Variants in PARM1 observed in about 807,000 individuals in gnomAD.
PARM1 encodes WSC4, cell wall integrity and stress response component 4 homolog.
PARM1 carries 14 observed loss-of-function variants against 24.6 expected under a neutral mutation model. The observed-to-expected ratio is 0.57, with a 90% CI of 0.38 to 0.89. The LOEUF (loss-of-function observed/expected upper bound fraction) is 0.89, where lower values mean the gene tolerates loss of function less well. Among genes scored for constraint, PARM1 ranks in the 40% least tolerant of loss-of-function variants. The probability of loss-of-function intolerance (pLI) is 0.00; values close to 1 mark genes in which losing one functional copy is unlikely to be tolerated. For missense variants in PARM1, 362 were observed against 380.4 expected, an observed-to-expected ratio of 0.95 and a Z score of 0.40; for synonymous variants, 179 against 156.6, an observed-to-expected ratio of 1.14 and a Z score of -1.07.
chr4:74,954,917 G>A (rs574422346), intron 1 of PARM1, among the ~76,000 whole-genome samples: 118 of 152,296 alleles, frequency 7.7e-4, no homozygotes, highest in African/African-American at 2.8e-3. Context: ...TGGGAGCTGT[G>A]TAAATTCAGG....
At chr4:74,945,917 C>T (rs1560771821) in intron 1 of PARM1, among the ~76,000 whole-genome samples, 1 of 152,154 alleles carries the variant, frequency 6.6e-6, no homozygotes, top group Non-Finnish European at 1.5e-5. Context: ...CAGAAAGCAG[C>T]ACAGGTGTGA....
chr4:74,952,123 T>G (rs1381194973), intron 1 of PARM1, among the ~76,000 whole-genome samples: 1 of 152,176 alleles, frequency 6.6e-6, no homozygotes, highest in Admixed American at 6.5e-5. Context: ...TTTTAATGAT[T>G]GCCATTCTAA....
intron 2 of PARM1, among the ~76,000 whole-genome samples, chr4:75,028,802 A>T (rs1490310317): frequency 6.6e-6 from 1 of 152,182 alleles, no homozygotes; most frequent in African/African-American, 2.4e-5. Context: ...ATTTCTTCAG[A>T]GGTTGTTTGG....
intron 1 of PARM1, among the ~76,000 whole-genome samples, chr4:74,991,295 GT>G (rs1722461720): frequency 6.6e-6 from 1 of 152,100 alleles, no homozygotes; most frequent in African/African-American, 2.4e-5. Context: ...TGAATCAATG[GT>G]TTTCCAATAT....
chr4:75,009,123 C>A (rs1722824268), intron 1 of PARM1, among the ~76,000 whole-genome samples: 1 of 152,186 alleles, frequency 6.6e-6, no homozygotes, highest in Admixed American at 6.5e-5. Context: ...CAAAAGACCA[C>A]CGTAACAGCA....
In PARM1 at chr4:75,013,101, C is replaced by A; in HGVS notation, c.720C>A (p.Thr240=). The A allele has an allele frequency of 6.2e-7, 1 of 1,614,002 alleles. No individual in the cohort carries two copies. Among genetic ancestry groups the A allele is most frequent in the Non-Finnish European group, 8.5e-7 (1 of 1,179,884 alleles). Residue 240 remains threonine (T), a synonymous_variant, in exon 2 of 4, where the codon ACC becomes ACA. Transcript: ENST00000307428. ...AGCTCATAGACATGGAGACCACCAC[C>A]ACCTTTCCCAGGGTGATCATGCAGG... is the stretch of plus-strand genomic sequence containing the variant. ...MCELIDMETT[T]TFPRVIMQEV... is the part of the protein sequence containing the mutation.
chr4:74,951,268 G>GT (rs1721516444), intron 1 of PARM1, among the ~76,000 whole-genome samples: 1 of 152,130 alleles, frequency 6.6e-6, no homozygotes. Flanking sequence ...TTACAACACC[G>GT]TATCATTTAC....
chr4:74,956,202 A>G (rs1721629505), intron 1 of PARM1: 1 of 152,238 alleles, frequency 6.6e-6, no homozygotes, highest in South Asian at 2.1e-4. Flanking sequence ...ACAAAGTCAG[A>G]GAGAAAAGTG....
chr4:74,963,942 A>C (rs1022356726), intron 1 of PARM1, among the ~76,000 whole-genome samples: 1 of 152,238 alleles, frequency 6.6e-6, no homozygotes, highest in Admixed American at 6.5e-5. Flanking sequence ...CCTTGAACTA[A>C]GGCAAATGTG....
intron 1 of PARM1, chr4:74,969,614 G>C (rs1312562019): frequency 6.6e-6 from 1 of 152,232 alleles, no homozygotes; most frequent in African/African-American, 2.4e-5. Context: ...GATGCGTCTG[G>C]AGGCATAGCT....
At chr4:75,030,535 CAA>C (rs1258298406) in intron 2 of PARM1, among the ~76,000 whole-genome samples, 1 of 152,128 alleles carries the variant, frequency 6.6e-6, no homozygotes, top group African/African-American at 2.4e-5. Context: ...GCCCAAAATT[CAA>C]AGAGGTTTTG....
intron 1 of PARM1, among the ~76,000 whole-genome samples, chr4:74,976,296 G>T (rs1560781003): frequency 6.6e-6 from 1 of 152,244 alleles, no homozygotes; most frequent in South Asian, 2.1e-4. Flanking sequence ...AGTTTGGACT[G>T]GGAGGAATTC....
At chr4:74,981,332 T>C (rs1319111728) in intron 1 of PARM1, among the ~76,000 whole-genome samples, 1 of 151,742 alleles carries the variant, frequency 6.6e-6, no homozygotes, top group African/African-American at 2.4e-5. Flanking sequence ...TTAAGACATT[T>C]ATGTGGCCAA....
At chr4:75,005,849 T>C (rs538747365) in intron 1 of PARM1, among the ~76,000 whole-genome samples, 7 of 152,344 alleles carry the variant, frequency 4.6e-5, no homozygotes, top group Middle Eastern at 3.4e-3. Context: ...CAAGGAGGAA[T>C]TCCAGATTGA....
chr4:74,956,768 T>C (rs1486502096), intron 1 of PARM1: 2 of 152,208 alleles, frequency 1.3e-5, no homozygotes, highest in African/African-American at 4.8e-5. Context: ...TAAACCTTTT[T>C]TCTGAGTAGG....
intron 1 of PARM1, among the ~76,000 whole-genome samples, chr4:74,976,628 T>C (rs1245412051): frequency 2.0e-5 from 3 of 152,196 alleles, no homozygotes; most frequent in Non-Finnish European, 4.4e-5. Flanking sequence ...GGGTCACTGA[T>C]CTGGTGCCTC....
intron 1 of PARM1, among the ~76,000 whole-genome samples, chr4:74,940,844 T>C (rs1214564298): frequency 1.3e-5 from 2 of 152,344 alleles, no homozygotes; most frequent in East Asian, 3.9e-4. Context: ...TTAGTTACAA[T>C]GCACTGTCTG....
At chr4:75,044,725 C>T (rs908420539) in intron 3 of PARM1, among the ~76,000 whole-genome samples, 1 of 151,668 alleles carries the variant, frequency 6.6e-6, no homozygotes, top group Non-Finnish European at 1.5e-5. Flanking sequence ...ATAAACATAC[C>T]CGAGACTGAG....
intron 3 of PARM1, among the ~76,000 whole-genome samples, chr4:75,035,762 G>A (rs892232217): frequency 6.6e-6 from 1 of 152,088 alleles, no homozygotes; most frequent in Admixed American, 6.5e-5. Flanking sequence ...GGAAAGCCAG[G>A]TTTTGAAGAG....
Sources: gnomAD v4.1 joint callset for allele counts (sites outside exome capture counted in the v4.1 genomes callset) on GRCh38, gnomAD v4.1.1 for gene constraint, MANE v1.5 for transcripts, NCBI Gene and HGNC (gene_info 2026-07-23, HGNC 2026-07-21) for gene names.